SPTBN4: variants seen among roughly 807,000 people sequenced by gnomAD.
The protein encoded by SPTBN4 is spectrin beta, non-erythrocytic 4, also known as spectrin beta chain, non-erythrocytic 4.
In SPTBN4, 96 loss-of-function variants were observed where a neutral mutation model predicts 277.8. That is an observed-to-expected ratio of 0.35 (90% CI 0.29 to 0.41). SPTBN4 has a LOEUF of 0.41. SPTBN4 is among the 10% of genes least tolerant of loss of function. The probability of loss-of-function intolerance (pLI) is 1.00; values close to 1 mark genes in which losing one functional copy is unlikely to be tolerated. For synonymous variants in SPTBN4, 1,481 were observed against 1,580.3 expected (o/e 0.94, Z 1.49); for missense variants, 3,006 against 3,595.7 (o/e 0.84, Z 4.19).
chr19:40,506,283 C>T lies in SPTBN4; in HGVS notation c.1713C>T (p.Asp571=), dbSNP rs7258094. The change falls in exon 13 of 36, where the codon GAC becomes GAT. Residue 571 remains aspartate, a synonymous_variant. Transcript: ENST00000598249. ...RECGQHLVEA[D]DLLQKHGLLE... ...GTGGGCAGCACCTGGTGGAGGCAGA[C>T]GACCTGTTGCAGAAGCATGGACTGC... 0.23 allele frequency: 372,333 copies of T among 1,613,722 alleles called. 44,426 individuals carry two copies. The highest frequency in any genetic ancestry group is 0.25 in the African/African-American group (18,967 of 74,972).
chr19:40,488,646 G>A (rs945699103), intron 3 of SPTBN4, among the ~76,000 whole-genome samples: 4 of 151,974 alleles, frequency 2.6e-5, no homozygotes, highest in African/African-American at 9.7e-5. Flanking sequence ...TTGTTTGTTT[G>A]TTTATTTGTT....
chr19:40,559,613 A>C (rs1212960931), intron 26 of SPTBN4, among the ~76,000 whole-genome samples: 1 of 152,234 alleles, frequency 6.6e-6, no homozygotes, highest in Non-Finnish European at 1.5e-5. Flanking sequence ...GTGCCACTGC[A>C]CTGCAGCCTG....
chr19:40,498,349 A>G (rs1157959564), intron 7 of SPTBN4, among the ~76,000 whole-genome samples: 2 of 151,710 alleles, frequency 1.3e-5, no homozygotes, highest in Non-Finnish European at 2.9e-5. Flanking sequence ...GTTAGAGAGA[A>G]TTTATCAACC....
intron 29 of SPTBN4, 107 bp from the exon 30 acceptor site, chr19:40,566,056 C>T: frequency 8.2e-7 from 1 of 1,219,608 alleles, no homozygotes; most frequent in Non-Finnish European, 1.1e-6. Context: ...ATGGTCAGGG[C>T]TCGGGTATGG....
intron 19 of SPTBN4, 32 bp downstream of exon 19, chr19:40,532,803 C>T (rs2080693239): frequency 2.5e-6 from 4 of 1,589,468 alleles, no homozygotes; most frequent in Non-Finnish European, 3.4e-6. Flanking sequence ...CTGCCTGTGC[C>T]AGGTGCAGGA....
At chr19:40,566,767 C>G (rs1054778469) in intron 30 of SPTBN4, among the ~76,000 whole-genome samples, 1 of 151,896 alleles carries the variant, frequency 6.6e-6, no homozygotes, top group Non-Finnish European at 1.5e-5. Flanking sequence ...GAGTTTGAGA[C>G]CAGCCTGGCC....
chr19:40,473,485 G>A (rs1458051054), intron 2 of SPTBN4, among the ~76,000 whole-genome samples: 1 of 151,546 alleles, frequency 6.6e-6, no homozygotes, highest in Non-Finnish European at 1.5e-5. Context: ...AGCCTCCCTA[G>A]TAGCTGGGAT....
At chr19:40,489,957 C>A (rs2080118178) in intron 3 of SPTBN4, 118 bp from the exon 4 acceptor site, 1 of 1,048,222 alleles carries the variant, frequency 9.5e-7, no homozygotes, top group Non-Finnish European at 1.3e-6. Context: ...ACAGCCTGAT[C>A]CTGGACACTC....
At chr19:40,541,633 T>C (rs987477611) in intron 20 of SPTBN4, among the ~76,000 whole-genome samples, 3 of 152,066 alleles carry the variant, frequency 2.0e-5, no homozygotes, top group Admixed American at 2.0e-4. Flanking sequence ...TGGTGTGCAG[T>C]GTGTGAGCGA....
In SPTBN4 at chr19:40,472,660, C is replaced by A; in HGVS notation, c.39C>A (p.Gly13=). ...QVPGEVDNME[G]LPAPNNNPAA... is the part of the protein sequence containing the mutation. ...CAGGGGAAGTGGACAACATGGAGGG[C>A]CTGCCTGCTCCTAACAACAACCCTG... Residue 13 remains glycine (G), a synonymous_variant, in exon 2 of 36, where the codon GGC becomes GGA. Transcript: ENST00000598249. 6.2e-7 allele frequency: 1 copy of A among 1,613,810 alleles called. No individual in the cohort carries two copies. The highest frequency in any genetic ancestry group is 8.5e-7 in the Non-Finnish European group (1 of 1,179,884).
At chr19:40,529,002 C>T (rs1294852838) in intron 17 of SPTBN4, 39 bp from the exon 18 acceptor site, 2 of 1,569,892 alleles carry the variant, frequency 1.3e-6, no homozygotes, top group Non-Finnish European at 1.8e-6. Flanking sequence ...CACCCCCCAA[C>T]CCGGGGCCTT....
chr19:40,563,600 G>T (rs1358889681), intron 27 of SPTBN4, among the ~76,000 whole-genome samples: 1 of 114,878 alleles, frequency 8.7e-6, no homozygotes, highest in Non-Finnish European at 1.8e-5. Flanking sequence ...ATGAGGCCAG[G>T]CAGTTTCGAA....
At chr19:40,548,307 G>A (rs942581501) in intron 20 of SPTBN4, among the ~76,000 whole-genome samples, 10 of 152,158 alleles carry the variant, frequency 6.6e-5, no homozygotes, top group African/African-American at 2.4e-4. Context: ...GACCAACATG[G>A]TGAAACCCCA....
rs967760092 is a variant in SPTBN4, at chr19:40,467,899, T to G, written c.-16+594T>G. On this transcript the variant is annotated intron_variant, in intron 1 of 35. Transcript: ENST00000598249. ...GATACAGCAAGAATAAAGCGGAACT[T>G]GAACTCATTTCTGTCTGACTCCAGA... Among the ~76,000 whole-genome samples the G allele has an allele frequency of 3.9e-5, 6 of 152,170 alleles. No individual in the cohort carries two copies. In the East Asian group the frequency reaches 7.7e-4, roughly 20 times the overall value.
At chr19:40,546,853 C>T (rs2080864919) in intron 20 of SPTBN4, among the ~76,000 whole-genome samples, 1 of 152,054 alleles carries the variant, frequency 6.6e-6, no homozygotes, top group Non-Finnish European at 1.5e-5. Context: ...AAACAAAACA[C>T]ACACACACAA....
chr19:40,488,469 A>C (rs894623926), intron 3 of SPTBN4, among the ~76,000 whole-genome samples: 2 of 151,990 alleles, frequency 1.3e-5, no homozygotes, highest in African/African-American at 4.8e-5. Context: ...CCTGGATCTC[A>C]AGGAATTGTG....
chr19:40,575,577 C>T lies in SPTBN4; in HGVS notation c.*8C>T, dbSNP rs1441838495. On this transcript the variant is annotated 3_prime_UTR_variant, in exon 36 of 36. Coordinates refer to ENST00000598249, the MANE Select transcript of SPTBN4 (RefSeq NM_020971.3). Reference sequence around the variant, plus strand: ...AGCGGGCGCAGGAAGTGACTTCCCACCCCCAGGACCTGACACATCTCGTCT... The same window carrying T: ...AGCGGGCGCAGGAAGTGACTTCCCATCCCCAGGACCTGACACATCTCGTCT... The T allele has an allele frequency of 6.2e-7, 1 of 1,605,524 alleles. No individual in the cohort carries two copies. The highest frequency in any genetic ancestry group is 8.5e-7 in the Non-Finnish European group (1 of 1,176,660).
chr19:40,560,212 A>T lies in SPTBN4; in HGVS notation c.5724A>T (p.Glu1908Asp), dbSNP rs2081027791. ...AGCTGCGGACGGTGTATGCGGGTGA[A>T]CATGCCGAGGCCATCGCTAGCCGGG... ...AAQLRTVYAG[E>D]HAEAIASREQ... The change falls in exon 27 of 36, where the codon GAA becomes GAT. Residue 1908 changes from glutamate to aspartate, a missense_variant. Glu to Asp is a conservative substitution (Grantham distance 45). Around this residue, in one of 5 missense-constraint regions of SPTBN4, gnomAD observed 425 missense variants for 594.7 expected, o/e 0.71. Coordinates refer to ENST00000598249, the MANE Select transcript of SPTBN4 (RefSeq NM_020971.3). The surrounding 1 kb of genome is among the most constrained non-coding windows in gnomAD (Gnocchi z 5.2). 6.2e-7 allele frequency: 1 copy of T among 1,607,194 alleles called. No homozygotes were observed. Among genetic ancestry groups the T allele is most frequent in the African/African-American group, 1.3e-5 (1 of 75,052 alleles).
intron 14 of SPTBN4, among the ~76,000 whole-genome samples, chr19:40,514,912 C>G (rs778291917): frequency 2.0e-5 from 3 of 151,864 alleles, no homozygotes; most frequent in Non-Finnish European, 4.4e-5. Flanking sequence ...GGAGACCAGC[C>G]TGGCTAACAT....
Sources: allele counts gnomAD v4.1 joint callset (sites outside exome capture counted in the v4.1 genomes callset), GRCh38; gene constraint gnomAD v4.1.1; regional missense constraint gnomAD v4.1.1; non-coding constraint Gnocchi (gnomAD v3.1); transcripts MANE v1.5; gene names NCBI Gene and HGNC (gene_info 2026-07-23, HGNC 2026-07-21).